The following OPCML variants were observed in gnomAD, a reference collection of about 807,000 sequenced individuals.
The protein encoded by OPCML is opioid binding protein/cell adhesion molecule like, also known as opioid-binding protein/cell adhesion molecule.
Under a neutral mutation model 37.8 loss-of-function variants are expected in OPCML, and 13 were observed. The observed-to-expected ratio is 0.34, with a 90% CI of 0.22 to 0.55. The LOEUF is 0.55. Among genes scored for constraint, OPCML ranks in the 20% least tolerant of loss-of-function variants. The pLI is 0.91. For synonymous variants in OPCML, 176 were observed against 168.8 expected, an observed-to-expected ratio of 1.04 and a Z score of -0.33; for missense variants, 341 against 435.6, an observed-to-expected ratio of 0.78 and a Z score of 1.93.
intron 1 of OPCML, among the ~76,000 whole-genome samples, chr11:133,062,982 C>T (rs1565426503): frequency 1.3e-5 from 2 of 152,268 alleles, no homozygotes; most frequent in African/African-American, 4.8e-5. Context: ...CAGCCGCATC[C>T]TCCTTGTGCC....
intron 4 of OPCML, among the ~76,000 whole-genome samples, chr11:132,515,820 A>T (rs1038856963): frequency 6.6e-6 from 1 of 152,176 alleles, no homozygotes; most frequent in African/African-American, 2.4e-5. Context: ...GGGAGCTAAG[A>T]CCCAGCATAG....
intron 2 of OPCML, among the ~76,000 whole-genome samples, chr11:132,852,146 T>A (rs1055073411): frequency 2.6e-5 from 4 of 152,210 alleles, no homozygotes; most frequent in African/African-American, 9.6e-5. Context: ...ATAATTCTTA[T>A]CTGCCTTATT....
intron 3 of OPCML, among the ~76,000 whole-genome samples, chr11:132,534,801 G>A (rs929681595): frequency 5.9e-5 from 9 of 152,100 alleles, no homozygotes; most frequent in Non-Finnish European, 8.8e-5. Context: ...ATTCAACAGA[G>A]GAGCACAGTG....
At chr11:132,431,094 G>A (rs949497987) in intron 7 of OPCML, among the ~76,000 whole-genome samples, 3 of 152,210 alleles carry the variant, frequency 2.0e-5, no homozygotes, top group African/African-American at 7.2e-5. Context: ...ACCTTCCAAT[G>A]GCTGCACCCA....
intron 2 of OPCML, among the ~76,000 whole-genome samples, chr11:132,681,772 G>A (rs1388723620): frequency 1.3e-5 from 2 of 151,960 alleles, no homozygotes; most frequent in African/African-American, 2.4e-5. Context: ...TGGCTAACAC[G>A]GTGAAACCCC....
chr11:132,856,795 G>A (rs1320692281), intron 2 of OPCML, among the ~76,000 whole-genome samples: 1 of 152,206 alleles, frequency 6.6e-6, no homozygotes, highest in Non-Finnish European at 1.5e-5. Context: ...CCAAGGGAAG[G>A]ATCAGGAGAG....
At chr11:133,012,668 G>GGT (rs1260476138) in intron 1 of OPCML, among the ~76,000 whole-genome samples, 1 of 152,060 alleles carries the variant, frequency 6.6e-6, no homozygotes, top group Admixed American at 6.6e-5. Flanking sequence ...CTGAGGTCAG[G>GGT]AGTTCAAGAC....
At position 133,077,036 on chromosome 11, in the gene OPCML, G is replaced by A. The variant is rs569503251; in HGVS notation, c.62-134026C>T. 5.9e-5 allele frequency among the ~76,000 whole-genome samples: 9 copies of A among 152,202 alleles called. No homozygotes were observed. In the South Asian group the frequency reaches 1.9e-3, roughly 32 times the overall value. On this transcript the variant is annotated intron_variant, in intron 1 of 7. Coordinates refer to ENST00000524381, the MANE Select transcript of OPCML (RefSeq NM_001012393.5). The stretch of plus-strand genomic sequence containing the variant: ...CCCATCTAGACTACCTACTGCAGGT[G>A]GCCGAGGCCTTGTCCTTGAGGGAAT...
intron 1 of OPCML, chr11:133,005,466 G>GT (rs1376677017): frequency 2.0e-6 from 2 of 985,244 alleles, no homozygotes; most frequent in East Asian, 2.3e-4. Context: ...TTAGGTACTA[G>GT]TTTTTCTCTG....
intron 1 of OPCML, among the ~76,000 whole-genome samples, chr11:133,431,817 T>C (rs546868433): frequency 1.3e-5 from 2 of 148,154 alleles, no homozygotes; most frequent in African/African-American, 4.9e-5. Context: ...ATAATATATA[T>C]AATAAATATA....
chr11:132,709,176 C>T (rs1944159962), intron 2 of OPCML, among the ~76,000 whole-genome samples: 1 of 152,208 alleles, frequency 6.6e-6, no homozygotes, highest in African/African-American at 2.4e-5. Context: ...ACACCTTTCA[C>T]TTGCCTAATG....
intron 3 of OPCML, among the ~76,000 whole-genome samples, chr11:132,635,400 G>T (rs1940424727): frequency 6.6e-6 from 1 of 151,948 alleles, no homozygotes; most frequent in Admixed American, 6.6e-5. Context: ...TGTTGTTAAG[G>T]CTCAGGAATG....
At chr11:133,310,060 T>C (rs1732203789) in intron 1 of OPCML, among the ~76,000 whole-genome samples, 1 of 152,134 alleles carries the variant, frequency 6.6e-6, no homozygotes, top group Admixed American at 6.6e-5. Flanking sequence ...AGAAATTTGT[T>C]AGAGACACGA....
chr11:133,532,390 C>T lies in OPCML; in HGVS notation c.-66G>A. The T allele has an allele frequency of 6.4e-7, 1 of 1,552,024 alleles. No homozygotes were observed. The highest frequency in any genetic ancestry group is 1.2e-5 in the South Asian group (1 of 86,560). Reference sequence around the variant, plus strand: ...CTTCTGCTGCTGCTACCGCTGCTGCCTTCCTCTGTGCTGAATTCTGAGCAG... The same window carrying T: ...CTTCTGCTGCTGCTACCGCTGCTGCTTTCCTCTGTGCTGAATTCTGAGCAG... On this transcript the variant is annotated 5_prime_UTR_variant, in exon 1 of 8. Coordinates refer to ENST00000524381, the MANE Select transcript of OPCML (RefSeq NM_001012393.5).
intron 1 of OPCML, among the ~76,000 whole-genome samples, chr11:133,486,379 G>A (rs1340931982): frequency 6.6e-6 from 1 of 152,096 alleles, no homozygotes; most frequent in African/African-American, 2.4e-5. Flanking sequence ...AGTTCCAAAG[G>A]GCTGAAGAAT....
intron 2 of OPCML, among the ~76,000 whole-genome samples, chr11:132,673,971 T>C (rs1942587933): frequency 6.6e-6 from 1 of 152,196 alleles, no homozygotes; most frequent in Non-Finnish European, 1.5e-5. Flanking sequence ...TGTACTACCC[T>C]GGTTCTACCT....
rs550868550 is a variant in OPCML at position 133,347,948 on chromosome 11, T to C, written c.61+184316A>G. 5.9e-5 allele frequency among the ~76,000 whole-genome samples: 9 copies of C among 152,276 alleles called. No homozygotes were observed. In the East Asian group the frequency reaches 1.7e-3, roughly 29 times the overall value. On this transcript the variant is annotated intron_variant, in intron 1 of 7. Transcript: ENST00000524381. ...GAATACTGAACAATAGTGTGGAGGA[T>C]ATGACAATCCATATCAAAAGCCAGA...
At chr11:132,499,710 G>T (rs1261767009) in intron 4 of OPCML, among the ~76,000 whole-genome samples, 1 of 152,182 alleles carries the variant, frequency 6.6e-6, no homozygotes, top group Non-Finnish European at 1.5e-5. Context: ...ACAGAGATGT[G>T]CATTAGAACT....
chr11:132,925,525 G>A (rs774852822), intron 2 of OPCML, among the ~76,000 whole-genome samples: 49 of 152,262 alleles, frequency 3.2e-4, no homozygotes, highest in Non-Finnish European at 6.0e-4. Context: ...GGGGCTTCTG[G>A]AGGTAAAACC....
Sources: allele counts gnomAD v4.1 joint callset (sites outside exome capture counted in the v4.1 genomes callset), GRCh38; gene constraint gnomAD v4.1.1; transcripts MANE v1.5; gene names NCBI Gene and HGNC (gene_info 2026-07-23, HGNC 2026-07-21).